Variants in CCAR2 observed in about 807,000 individuals in gnomAD.
CCAR2 encodes cell cycle and apoptosis regulator 2, also known as cell cycle and apoptosis regulator protein 2.
CCAR2 carries 21 observed loss-of-function variants against 108.1 expected under a neutral mutation model. The ratio of observed to expected loss-of-function variants is 0.19; its 90% CI spans 0.14 to 0.28. CCAR2 has a LOEUF of 0.28. Ranked by LOEUF, CCAR2 falls within the 10% of genes least tolerant of loss-of-function variation. CCAR2 has a pLI of 1.00. For synonymous variants in CCAR2, 577 were observed against 472.8 expected, an observed-to-expected ratio of 1.22 and a Z score of -2.86; for missense variants, 1,126 against 1,177.0, an observed-to-expected ratio of 0.96 and a Z score of 0.63.
chr8:22,616,213 A>C lies in CCAR2; in HGVS notation c.1810A>C (p.Asn604His), dbSNP rs1203264156. 1 of 1,613,414 alleles carries C rather than the reference A, an allele frequency of 6.2e-7. No individual in the cohort carries two copies. The highest frequency in any genetic ancestry group is 1.1e-5 in the South Asian group (1 of 91,060). Residue 604 changes from asparagine (N) to histidine (H), a missense_variant, in exon 14 of 21, where the codon AAT becomes CAT. Around this residue, in one of 4 missense-constraint regions of CCAR2, gnomAD observed 1,013 missense variants for 993.9 expected, o/e 1.02. Coordinates refer to ENST00000308511, the MANE Select transcript of CCAR2 (RefSeq NM_001393997.1). ...VVKEPKDEAQ[N>H]EGPATESEAP... ...CAAGGAGCCCAAGGATGAGGCACAGAATGAGGGCCCGGCTACAGAGTCAGA... is the reference window on the plus strand; with the variant it reads ...CAAGGAGCCCAAGGATGAGGCACAGCATGAGGGCCCGGCTACAGAGTCAGA...
intron 10 of CCAR2, 159 bp from the exon 11 acceptor site, chr8:22,614,679 A>C (rs760528119): frequency 2.9e-5 from 31 of 1,066,634 alleles, no homozygotes; most frequent in South Asian, 4.0e-5. Flanking sequence ...AGTCAGAGAG[A>C]GCGAGGTGGC....
chr8:22,614,739 T>TCCTGCTGCCTTCA (rs773198826), intron 10 of CCAR2, 99 bp from the exon 11 acceptor site: 10 of 799,218 alleles, frequency 1.3e-5, no homozygotes, highest in African/African-American at 3.0e-5. Context: ...ACTTCCCCAC[T>TCCTGCTGCCTTCA]TCCGGCTGCC....
In CCAR2 at chr8:22,620,016, CAG is replaced by C. The variant is rs779533427; in HGVS notation, c.*335_*336del. 4.6e-4 allele frequency: 153 copies of C among 333,294 alleles called. No individual in the cohort carries two copies. Among genetic ancestry groups the C allele is most frequent in the Admixed American group, 2.7e-3 (65 of 24,002 alleles). The allele number at this position is 333,294 out of a possible 1,614,324, so 20.6% of individuals were successfully genotyped here. A position where few individuals can be genotyped will look rare whatever the true frequency, so the allele number is the denominator to read the frequency against. On this transcript the variant is annotated 3_prime_UTR_variant, in exon 21 of 21. Coordinates refer to ENST00000308511, the MANE Select transcript of CCAR2 (RefSeq NM_001393997.1). Reference sequence around the variant, plus strand: ...TGTCCTCTTCCAGTTTAGAATAAGACAGGGGAGAAAAAGGCTTTTCGAGTGTG... The same window carrying C: ...TGTCCTCTTCCAGTTTAGAATAAGACGGGAGAAAAAGGCTTTTCGAGTGTG...
rs201703794 is a variant in CCAR2 at position 22,620,122 on chromosome 8, G to A, written c.*440G>A. The A allele has an allele frequency of 1.2e-4, 21 of 180,248 alleles. No homozygotes were observed. Among genetic ancestry groups the A allele is most frequent in the Non-Finnish European group, 1.9e-4 (16 of 84,226 alleles). 11.2% of individuals were successfully genotyped at this position (180,248 alleles called of 1,614,324 possible). ...CTGGGGCTAAGCAGCCCCCTCCTCC[G>A]GATGGCACAGGCTCTGCTAGGTTCC... On this transcript the variant is annotated 3_prime_UTR_variant, in exon 21 of 21. Coordinates refer to ENST00000308511, the MANE Select transcript of CCAR2 (RefSeq NM_001393997.1).
At chr8:22,621,216 T>TA, downstream of CCAR2, 1 of 637,888 alleles carries the variant, frequency 1.6e-6, no homozygotes, top group South Asian at 2.0e-5. Context: ...CTACACTGCT[T>TA]ACCTGCTGGG....
At chr8:22,615,307 T>G (rs1801455919) in intron 11 of CCAR2, 118 bp from the exon 12 acceptor site, 1 of 1,265,488 alleles carries the variant, frequency 7.9e-7, no homozygotes, top group Non-Finnish European at 1.1e-6. Flanking sequence ...TCTTCAAAGC[T>G]TGGTTCGCAG....
chr8:22,611,822 T>C (rs1039584868), intron 7 of CCAR2, among the ~76,000 whole-genome samples: 10 of 152,284 alleles, frequency 6.6e-5, no homozygotes, highest in African/African-American at 2.4e-4. Context: ...CTATGTGTAG[T>C]CTTTCTTCTT....
At chr8:22,608,898 TTC>T (rs1801179760) in intron 7 of CCAR2, among the ~76,000 whole-genome samples, 2 of 152,228 alleles carry the variant, frequency 1.3e-5, no homozygotes, top group African/African-American at 2.4e-5. Flanking sequence ...TCAGCTACCA[TTC>T]TTTTTCATCT....
Position 22,619,835 on chromosome 8 carries a change from T to C in CCAR2, c.*153T>C. The C allele has an allele frequency of 1.3e-6, 1 of 759,706 alleles. No homozygotes were observed. The highest frequency in any genetic ancestry group is 2.2e-5 in the Admixed American group (1 of 46,334). The allele number at this position is 759,706 out of a possible 1,614,324, so 47.1% of individuals were successfully genotyped here. The stretch of plus-strand genomic sequence containing the variant: ...TCAGCCTCTAGGGGACGGCAGGCCA[T>C]CAGGCTGGGGGCTGTGCTATGTGGG... On this transcript the variant is annotated 3_prime_UTR_variant, in exon 21 of 21. Transcript: ENST00000308511.
chr8:22,609,558 T>C (rs1228644188), intron 7 of CCAR2, among the ~76,000 whole-genome samples: 1 of 152,196 alleles, frequency 6.6e-6, no homozygotes, highest in Admixed American at 6.5e-5. Context: ...TATTCATAAG[T>C]ATATAAATAT....
chr8:22,614,398 GCT>G lies in CCAR2; in HGVS notation c.941_942del (p.Ser314PhefsTer17). ...DPAYSSKVLL[L>X]SSPGLEELYR... ...TGTCTCCTCCTGCACAGGTACTGCT[GCT>G]CTCTTCCCCGGGGTTGGAGGAATTG... On this transcript the variant is annotated frameshift_variant, in exon 10 of 21. Coordinates refer to ENST00000308511, the MANE Select transcript of CCAR2 (RefSeq NM_001393997.1). LOFTEE classifies it high-confidence loss of function. The G allele has an allele frequency of 6.2e-7, 1 of 1,614,202 alleles. No homozygotes were observed. The highest frequency in any genetic ancestry group is 8.5e-7 in the Non-Finnish European group (1 of 1,180,032).
Position 22,619,664 on chromosome 8 carries a change from G to A in CCAR2, c.2754G>A (p.Glu918=). 4 of 1,575,582 alleles carry A rather than the reference G, an allele frequency of 2.5e-6. No individual in the cohort carries two copies. The highest frequency in any genetic ancestry group is 3.4e-6 in the Non-Finnish European group (4 of 1,160,130). Reference sequence around the variant, plus strand: ...CTGACAGCTGGGTGGAGAAGGAGGAGCCGGCACCTAGCAACTGACGGCCTC... The same window carrying A: ...CTGACAGCTGGGTGGAGAAGGAGGAACCGGCACCTAGCAACTGACGGCCTC... The part of the protein sequence containing the change: ...EKADSWVEKE[E]PAPSN The change falls in exon 21 of 21, where the codon GAG becomes GAA. Residue 918 remains glutamate (E), a synonymous_variant. Coordinates refer to ENST00000308511, the MANE Select transcript of CCAR2 (RefSeq NM_001393997.1).
chr8:22,607,302 T>C lies in CCAR2; in HGVS notation c.464T>C (p.Ile155Thr). 6.2e-7 allele frequency: 1 copy of C among 1,613,024 alleles called. No homozygotes were observed. The highest frequency in any genetic ancestry group is 8.5e-7 in the Non-Finnish European group (1 of 1,179,976). Residue 155 changes from isoleucine to threonine, a missense_variant, in exon 6 of 21, where the codon ATT becomes ACT. By Grantham distance (89) the Ile-to-Thr change is moderately conservative. Around this residue, in one of 4 missense-constraint regions of CCAR2, gnomAD observed 1,013 missense variants for 993.9 expected, o/e 1.02. Transcript: ENST00000308511. ...CAGTTGATCTTCCAGCCTCACCGGA[T>C]TCCCCCACTCTTTCCTCAGAAGCGT... ...QPQLIFQPHR[I>T]PPLFPQKPLS...
At chr8:22,617,924 G>C (rs1801590821) in intron 16 of CCAR2, 146 bp downstream of exon 16, 1 of 781,124 alleles carries the variant, frequency 1.3e-6, no homozygotes. Flanking sequence ...TCATGGAAGG[G>C]CACGTTCATA....
At chr8:22,619,396 C>A in intron 20 of CCAR2, 41 bp downstream of exon 20, 1 of 1,541,850 alleles carries the variant, frequency 6.5e-7, no homozygotes, top group South Asian at 1.2e-5. Flanking sequence ...AGCTCCTTTC[C>A]CTGAGCTCCA....
chr8:22,613,412 G>A (rs1801372716), intron 8 of CCAR2, among the ~76,000 whole-genome samples: 1 of 140,478 alleles, frequency 7.1e-6, no homozygotes, highest in Admixed American at 7.3e-5. Context: ...GGATGAACAT[G>A]ATTTATTTAC....
rs151230402 is a variant in CCAR2 at position 22,608,197 on chromosome 8, A to G, written c.584+132A>G. On this transcript the variant is annotated intron_variant, in intron 7 of 20. Transcript: ENST00000308511. Reference sequence around the variant, plus strand: ...TTGGAAGGTGGCTATGCTTACCACTAACATTCTTTGCCTGCAGCTAGATCC... The same window carrying G: ...TTGGAAGGTGGCTATGCTTACCACTGACATTCTTTGCCTGCAGCTAGATCC... 9.4e-4 allele frequency: 617 copies of G among 655,186 alleles called. 7 individuals carry two copies. The African/African-American group carries it at 0.01, about 11-fold the overall frequency. 40.6% of individuals were successfully genotyped at this position (655,186 alleles called of 1,614,324 possible).
At chr8:22,613,783 T>G in intron 8 of CCAR2, 1 of 344,432 alleles carries the variant, frequency 2.9e-6, no homozygotes, top group Non-Finnish European at 5.3e-6. Flanking sequence ...AACCTATTGA[T>G]GTCAATTTTC....
chr8:22,607,837 G>A, intron 6 of CCAR2, 132 bp from the exon 7 acceptor site: 3 of 681,710 alleles, frequency 4.4e-6, no homozygotes, highest in South Asian at 3.8e-5. Flanking sequence ...TGTTCGCCAG[G>A]CTAGTCTTGA....
Sources: gnomAD v4.1 joint callset for allele counts (sites outside exome capture counted in the v4.1 genomes callset) on GRCh38, gnomAD v4.1.1 for gene constraint, gnomAD v4.1.1 regional missense constraint, MANE v1.5 for transcripts, NCBI Gene and HGNC (gene_info 2026-07-23, HGNC 2026-07-21) for gene names.